The following GPBP1 variants were observed in gnomAD, a reference collection of about 807,000 sequenced individuals.
GPBP1 encodes the protein GC-rich promoter binding protein 1, also known as vasculin.
In GPBP1, 13 loss-of-function variants were observed where a neutral mutation model predicts 56.5. The ratio of observed to expected loss-of-function variants is 0.23; its 90% CI spans 0.15 to 0.37. The LOEUF is 0.37. Ranked by LOEUF, GPBP1 falls within the 10% of genes least tolerant of loss-of-function variation. The pLI is 1.00. For missense variants in GPBP1, 477 were observed against 572.3 expected (o/e 0.83, Z 1.70); for synonymous variants, 204 against 188.9 (o/e 1.08, Z -0.66).
chr5:57,252,429 C>A (rs1000522287), intron 10 of GPBP1, among the ~76,000 whole-genome samples: 20 of 152,080 alleles, frequency 1.3e-4, no homozygotes, highest in Non-Finnish European at 2.8e-4. Context: ...CTCACTCTGT[C>A]ACCCAGGCCG....
At chr5:57,223,115 GTTT>G (rs1756023244) in intron 3 of GPBP1, among the ~76,000 whole-genome samples, 2 of 81,364 alleles carry the variant, frequency 2.5e-5, no homozygotes, top group Non-Finnish European at 5.4e-5. Flanking sequence ...TCTACAGCTT[GTTT>G]GATATTTTAA....
intron 3 of GPBP1, among the ~76,000 whole-genome samples, chr5:57,229,953 G>GTCCCA (rs1756374564): frequency 6.7e-6 from 1 of 149,028 alleles, no homozygotes; most frequent in South Asian, 2.1e-4. Context: ...GTCCCGTCCC[G>GTCCCA]TCCCGTCCCG....
chr5:57,252,043 G>A (rs1404591630), intron 10 of GPBP1, among the ~76,000 whole-genome samples: 2 of 152,124 alleles, frequency 1.3e-5, no homozygotes, highest in Admixed American at 6.5e-5. Context: ...ATATATTTGT[G>A]TATAAGTCTC....
intron 6 of GPBP1, chr5:57,237,379 T>G (rs781252381): frequency 5.8e-6 from 3 of 513,410 alleles, no homozygotes; most frequent in Non-Finnish European, 1.0e-5. Context: ...CTGGGTTGAT[T>G]TAATAATCTT....
chr5:57,254,520 C>T (rs1741553145), intron 10 of GPBP1, among the ~76,000 whole-genome samples: 1 of 151,950 alleles, frequency 6.6e-6, no homozygotes, highest in Non-Finnish European at 1.5e-5. Flanking sequence ...CATGGTGAAA[C>T]CCTGTCTCTA....
At chr5:57,226,292 C>T (rs752214784) in intron 3 of GPBP1, among the ~76,000 whole-genome samples, 17 of 152,156 alleles carry the variant, frequency 1.1e-4, no homozygotes, top group Non-Finnish European at 2.4e-4. Context: ...TTGGTGGTTC[C>T]CAACCTCCAC....
chr5:57,249,400 T>C lies in GPBP1; in HGVS notation c.805-9T>C. 3.2e-6 allele frequency: 5 copies of C among 1,576,388 alleles called. No homozygotes were observed. Among genetic ancestry groups the C allele is most frequent in the Non-Finnish European group, 4.3e-6 (5 of 1,164,592 alleles). ...ACATATTTATCAGTATTTCTGAATT[T>C]CCTCTTAGTGTAATCGCTCAAATTC... On this transcript the variant is annotated splice_polypyrimidine_tract_variant and intron_variant, in intron 8 of 11. Transcript: ENST00000506184.
At chr5:57,241,595 G>C (rs1398346679) in intron 6 of GPBP1, among the ~76,000 whole-genome samples, 10 of 152,112 alleles carry the variant, frequency 6.6e-5, no homozygotes, top group African/African-American at 2.4e-4. Context: ...TTATTGTCAG[G>C]CTACATTTAT....
Position 57,176,244 on chromosome 5 carries a change from A to T in GPBP1, c.-214A>T. On this transcript the variant is annotated 5_prime_UTR_variant, in exon 2 of 12. An upstream open reading frame in the 5' UTR loses its in-frame stop. Transcript: ENST00000506184. ...AAAACTTTAAAACAGAAGTATGGGT[A>T]GCTGACTTGAAGTAACTCTATGTCA... The T allele has an allele frequency of 2.6e-6, 1 of 378,704 alleles. No homozygotes were observed. Among genetic ancestry groups the T allele is most frequent in the African/African-American group, 2.1e-5 (1 of 48,424 alleles). The allele number at this position is 378,704 out of a possible 1,614,324, so 23.5% of individuals were successfully genotyped here. A position where few individuals can be genotyped will look rare whatever the true frequency, so the allele number is the denominator to read the frequency against.
chr5:57,191,053 G>T (rs771628621), intron 2 of GPBP1, among the ~76,000 whole-genome samples: 5 of 151,882 alleles, frequency 3.3e-5, no homozygotes, highest in African/African-American at 1.2e-4. Flanking sequence ...TGGGGTTACA[G>T]GTGTGAGCCA....
At chr5:57,195,958 G>A (rs1020474642) in intron 2 of GPBP1, among the ~76,000 whole-genome samples, 1 of 115,608 alleles carries the variant, frequency 8.6e-6, no homozygotes, top group Non-Finnish European at 1.6e-5. Context: ...AGCTGAGATC[G>A]TGACAGAGTG....
intron 3 of GPBP1, among the ~76,000 whole-genome samples, chr5:57,223,229 T>C (rs989653195): frequency 6.6e-6 from 1 of 152,102 alleles, no homozygotes; most frequent in Non-Finnish European, 1.5e-5. Context: ...TAGCCGGGAC[T>C]ACACGCGTGT....
At chr5:57,198,159 T>G (rs929049826) in intron 2 of GPBP1, among the ~76,000 whole-genome samples, 1 of 152,218 alleles carries the variant, frequency 6.6e-6, no homozygotes, top group African/African-American at 2.4e-5. Flanking sequence ...CCTTTGTATC[T>G]GCAGTTTTGC....
intron 2 of GPBP1, among the ~76,000 whole-genome samples, chr5:57,193,080 G>T (rs554917017): frequency 6.6e-5 from 10 of 152,288 alleles, no homozygotes; most frequent in African/African-American, 2.4e-4. Context: ...ACTTTGGGAC[G>T]CCAAGGCGAG....
intron 2 of GPBP1, among the ~76,000 whole-genome samples, chr5:57,195,309 T>A (rs1754698015): frequency 6.6e-6 from 1 of 152,074 alleles, no homozygotes; most frequent in South Asian, 2.1e-4. Context: ...GCACATGACA[T>A]CATGCCTGGC....
chr5:57,203,980 A>G (rs1427165173), intron 2 of GPBP1, among the ~76,000 whole-genome samples: 2 of 152,134 alleles, frequency 1.3e-5, no homozygotes, highest in African/African-American at 4.8e-5. Flanking sequence ...ATAATAGGGC[A>G]TTTACCATCC....
intron 2 of GPBP1, among the ~76,000 whole-genome samples, chr5:57,186,644 T>A (rs959657347): frequency 5.3e-5 from 8 of 152,040 alleles, no homozygotes; most frequent in African/African-American, 1.9e-4. Flanking sequence ...AATTAACAGG[T>A]CTCTGCAGCT....
At chr5:57,214,238 A>G (rs760762702) in intron 3 of GPBP1, 45 bp downstream of exon 3, 9 of 1,404,992 alleles carry the variant, frequency 6.4e-6, no homozygotes, top group Non-Finnish European at 1.0e-6. Flanking sequence ...TCTTGCATTC[A>G]TTTTTTACAC....
chr5:57,191,913 C>T (rs1754543559), intron 2 of GPBP1, among the ~76,000 whole-genome samples: 1 of 152,154 alleles, frequency 6.6e-6, no homozygotes, highest in African/African-American at 2.4e-5. Context: ...TAAGACTTAT[C>T]ATTTTTCAGA....
Sources: allele counts gnomAD v4.1 joint callset (sites outside exome capture counted in the v4.1 genomes callset), GRCh38; gene constraint gnomAD v4.1.1; transcripts MANE v1.5; gene names NCBI Gene and HGNC (gene_info 2026-07-23, HGNC 2026-07-21).